Variants in COLEC10 observed in about 807,000 individuals in gnomAD.
COLEC10 encodes collectin subfamily member 10.
A neutral mutation model predicts 28.4 loss-of-function variants in COLEC10; 22 were observed. The ratio of observed to expected loss-of-function variants is 0.78; its 90% CI spans 0.55 to 1.11. COLEC10 has a LOEUF of 1.11. Among genes scored for constraint, COLEC10 ranks in the 50% least tolerant of loss-of-function variants. COLEC10 has a pLI of 0.00. For missense variants in COLEC10, 361 were observed against 344.1 expected, an observed-to-expected ratio of 1.05 and a Z score of -0.39; for synonymous variants, 125 against 116.1, an observed-to-expected ratio of 1.08 and a Z score of -0.49.
At chr8:119,070,485 C>T (rs1243502511) in intron 1 of COLEC10, among the ~76,000 whole-genome samples, 2 of 105,286 alleles carry the variant, frequency 1.9e-5, no homozygotes, top group Non-Finnish European at 3.9e-5. Context: ...CTCCTTCCCC[C>T]TCCTTCCCTC....
intron 1 of COLEC10, among the ~76,000 whole-genome samples, chr8:118,997,733 T>G (rs558423075): frequency 1.4e-4 from 21 of 152,304 alleles, no homozygotes; most frequent in Admixed American, 3.3e-4. Flanking sequence ...TTGGTCATGT[T>G]TAATAACTGG....
At chr8:118,980,625 T>A in the COLEC10 span, among the ~76,000 whole-genome samples, 1 of 152,124 alleles carries the variant, frequency 6.6e-6, no homozygotes, top group East Asian at 1.9e-4. Context: ...AAATTTTGCT[T>A]CTACTCAGGT....
intron 3 of COLEC10, 51 bp downstream of exon 3, chr8:119,091,271 C>A: frequency 2.2e-6 from 3 of 1,364,714 alleles, no homozygotes; most frequent in Non-Finnish European, 3.1e-6. Context: ...AAATTGAGGC[C>A]GGGTACGATG....
intron 1 of COLEC10, among the ~76,000 whole-genome samples, chr8:119,073,875 C>A (rs951292773): frequency 6.6e-6 from 1 of 151,662 alleles, no homozygotes. Context: ...ATGTGAAGAT[C>A]ATGGGCTTTT....
At chr8:119,066,944 C>A (rs1814975752), upstream of COLEC10, among the ~76,000 whole-genome samples, 1 of 152,156 alleles carries the variant, frequency 6.6e-6, no homozygotes, top group Non-Finnish European at 1.5e-5. Flanking sequence ...CGTTTAAATG[C>A]AATATAGCCT....
intron 2 of COLEC10, among the ~76,000 whole-genome samples, chr8:119,029,064 G>A (rs7009768): frequency 0.64 from 97,915 of 151,948 alleles, 32,574 homozygotes; most frequent in African/African-American, 0.81. Flanking sequence ...AAGTCCTCTC[G>A]CAGGGAATGT....
chr8:119,021,686 G>T (rs191954008), intron 2 of COLEC10, among the ~76,000 whole-genome samples: 7 of 152,236 alleles, frequency 4.6e-5, no homozygotes, highest in Admixed American at 2.0e-4. Flanking sequence ...TTCTTCTATG[G>T]TTCAATGTCT....
chr8:119,040,768 A>G (rs189306872), intron 2 of COLEC10, among the ~76,000 whole-genome samples: 1 of 152,344 alleles, frequency 6.6e-6, no homozygotes, highest in African/African-American at 2.4e-5. Context: ...AGCTATCAAC[A>G]GAAGGGAAGG....
intron 1 of COLEC10, chr8:119,068,927 T>TA (rs1393569895): frequency 6.6e-6 from 1 of 151,798 alleles, no homozygotes; most frequent in African/African-American, 2.4e-5. Context: ...ATTTTATTTT[T>TA]AATAAAATTT....
the COLEC10 span, among the ~76,000 whole-genome samples, chr8:118,986,200 AC>A: frequency 6.6e-6 from 1 of 152,202 alleles, no homozygotes; most frequent in Non-Finnish European, 1.5e-5. Flanking sequence ...TAAGACTTTA[AC>A]AAAAGTTTAT....
At chr8:119,100,661 C>T (rs924394986) in intron 3 of COLEC10, among the ~76,000 whole-genome samples, 2 of 152,148 alleles carry the variant, frequency 1.3e-5, no homozygotes, top group African/African-American at 4.8e-5. Context: ...GCTAAACTTT[C>T]CTTTACCCTT....
intron 2 of COLEC10, among the ~76,000 whole-genome samples, chr8:119,052,965 A>T (rs1327177245): frequency 2.6e-5 from 4 of 152,114 alleles, no homozygotes; most frequent in Non-Finnish European, 1.5e-5. Flanking sequence ...GGGAAGGCAT[A>T]AAATTCCAGA....
the COLEC10 span, among the ~76,000 whole-genome samples, chr8:118,976,936 G>A: frequency 6.0e-3 from 902 of 150,258 alleles, 7 homozygotes; most frequent in African/African-American, 0.018. Context: ...AAAAGTGGGC[G>A]AAGGACATGA....
chr8:118,998,908 T>G (rs1391921363), intron 1 of COLEC10, among the ~76,000 whole-genome samples: 2 of 151,302 alleles, frequency 1.3e-5, no homozygotes, highest in African/African-American at 4.9e-5. Context: ...TCATTCTAAT[T>G]AATAGCCCAT....
chr8:119,085,869 C>T lies in COLEC10; in HGVS notation c.149-3811C>T, dbSNP rs180743637. Among the ~76,000 whole-genome samples, 1,230 of 152,056 alleles carry T rather than the reference C, an allele frequency of 8.1e-3. 9 individuals carry two copies. Among genetic ancestry groups the T allele is most frequent in the Non-Finnish European group, 0.011 (780 of 67,976 alleles). ...CTGACTTCAAACAATCCACCCGCCT[C>T]GGCCTCCCAAAGTGCTGAGATTACA... On this transcript the variant is annotated intron_variant, in intron 1 of 5. Coordinates refer to ENST00000332843, the MANE Select transcript of COLEC10 (RefSeq NM_006438.5).
intron 1 of COLEC10, among the ~76,000 whole-genome samples, chr8:119,089,085 A>T (rs1005227902): frequency 6.6e-6 from 1 of 152,234 alleles, no homozygotes; most frequent in African/African-American, 2.4e-5. Flanking sequence ...CTAACATGGC[A>T]TTAAAATCCA....
At chr8:119,064,330 T>A (rs893996379), upstream of COLEC10, among the ~76,000 whole-genome samples, 9 of 152,132 alleles carry the variant, frequency 5.9e-5, no homozygotes, top group African/African-American at 2.2e-4. Flanking sequence ...GCCAAGAAAA[T>A]TTTTTAAGGA....
chr8:119,082,004 T>C (rs147420216), intron 1 of COLEC10, among the ~76,000 whole-genome samples: 1 of 152,228 alleles, frequency 6.6e-6, no homozygotes, highest in African/African-American at 2.4e-5. Flanking sequence ...GTAAGGAATA[T>C]GGTTACAGCA....
At chr8:118,994,769 T>G (rs955491484), upstream of COLEC10, among the ~76,000 whole-genome samples, 1 of 152,240 alleles carries the variant, frequency 6.6e-6, no homozygotes, top group Non-Finnish European at 1.5e-5. Flanking sequence ...GTAGTTTTGA[T>G]GTGACAGTAA....
Sources: gnomAD v4.1 joint callset for allele counts (sites outside exome capture counted in the v4.1 genomes callset) on GRCh38, gnomAD v4.1.1 for gene constraint, MANE v1.5 for transcripts, NCBI Gene and HGNC (gene_info 2026-07-23, HGNC 2026-07-21) for gene names.